The following BCL2L14 variants were observed in gnomAD, a reference collection of about 807,000 sequenced individuals.
The protein encoded by BCL2L14 is apoptosis facilitator Bcl-2-like protein 14.
BCL2L14 carries 27 observed loss-of-function variants against 35.3 expected under a neutral mutation model. The observed-to-expected ratio is 0.76, with a 90% CI of 0.56 to 1.05. BCL2L14 has a LOEUF of 1.05. Ranked by LOEUF, BCL2L14 falls within the 50% of genes least tolerant of loss-of-function variation. The pLI, the probability that BCL2L14 is intolerant of heterozygous loss-of-function variation, is 0.00. For missense variants in BCL2L14, 377 were observed against 382.6 expected, an observed-to-expected ratio of 0.99 and a Z score of 0.12; for synonymous variants, 139 against 145.9, an observed-to-expected ratio of 0.95 and a Z score of 0.34.
At chr12:12,072,594 C>A (rs1352646816) in intron 1 of BCL2L14, 1 of 152,244 alleles carries the variant, frequency 6.6e-6, no homozygotes, top group African/African-American at 2.4e-5. Context: ...CACCCAGGAA[C>A]GGAAATCTCC....
chr12:12,052,868 G>A (rs1948377294), intron 2 of BCL2L14, among the ~76,000 whole-genome samples: 1 of 152,208 alleles, frequency 6.6e-6, no homozygotes, highest in Non-Finnish European at 1.5e-5. Context: ...GTATACGTCT[G>A]AGCATTCCAA....
At chr12:12,058,353 C>T (rs184592688) in intron 2 of BCL2L14, among the ~76,000 whole-genome samples, 79 of 151,716 alleles carry the variant, frequency 5.2e-4, no homozygotes, top group Admixed American at 2.0e-3. Context: ...CGGGTTCAAG[C>T]GATTCTCCTG....
chr12:12,078,497 A>T (rs1948832215), intron 1 of BCL2L14, among the ~76,000 whole-genome samples: 1 of 152,198 alleles, frequency 6.6e-6, no homozygotes, highest in Non-Finnish European at 1.5e-5. Flanking sequence ...CATAATCTGG[A>T]CCCAAGTGCT....
rs1948661002 is a variant in BCL2L14 at position 12,070,988 on chromosome 12, T to G, written c.-157T>G. 6.6e-6 allele frequency: 1 copy of G among 152,166 alleles called. No individual in the cohort carries two copies. Among genetic ancestry groups the G allele is most frequent in the Admixed American group, 6.5e-5 (1 of 15,280 alleles). The allele number at this position is 152,166 out of a possible 1,614,324, so 9.4% of individuals were successfully genotyped here. A position where few individuals can be genotyped will look rare whatever the true frequency, so the allele number is the denominator to read the frequency against. ...CTGAAGAAAGTTTAGAGCCTGGGGC[T>G]CTAAACTACCTGAGTCTTTCCAAAC... On this transcript the variant is annotated 5_prime_UTR_variant, in exon 1 of 6. Coordinates refer to ENST00000308721, the MANE Select transcript of BCL2L14 (RefSeq NM_138723.2).
intron 2 of BCL2L14, among the ~76,000 whole-genome samples, chr12:12,082,611 GGAAA>G (rs1948952296): frequency 6.6e-6 from 1 of 151,918 alleles, no homozygotes; most frequent in Admixed American, 6.6e-5. Flanking sequence ...TTTTCAGTAG[GGAAA>G]GAAAACTTTT....
At position 12,087,255 on chromosome 12, in the gene BCL2L14, AAATTGTTTACT is replaced by A; in HGVS notation, c.477_487del (p.Glu159AspfsTer22). ...ATTTCCATTGCCAACCGAGTAGCTG[AAATTGTTTACT>A]CCTGGCCACCACCACAAGCGACCCA... On this transcript the variant is annotated frameshift_variant, in exon 3 of 6. Coordinates refer to ENST00000308721, the MANE Select transcript of BCL2L14 (RefSeq NM_138723.2). LOFTEE classifies it high-confidence loss of function. 1 of 1,614,166 alleles carries A rather than the reference AAATTGTTTACT, an allele frequency of 6.2e-7. No individual in the cohort carries two copies. Among genetic ancestry groups the A allele is most frequent in the Non-Finnish European group, 8.5e-7 (1 of 1,180,030 alleles).
In BCL2L14 at chr12:12,058,291, C is replaced by T. The variant is rs1948464057; in HGVS notation, c.-272+6444C>T. ...TTTTTTTGAGACGGAGTCTCTGTTG[C>T]CCAGGCTAGAGTGCAGTGGCATGAT... On this transcript the variant is annotated intron_variant, in intron 2 of 3. Coordinates refer to the BCL2L14 transcript ENST00000461264. 2.7e-5 allele frequency among the ~76,000 whole-genome samples: 4 copies of T among 150,816 alleles called. No homozygotes were observed. The South Asian group carries it at 8.4e-4, about 32-fold the overall frequency.
At chr12:12,085,595 C>A (rs931508129) in intron 2 of BCL2L14, among the ~76,000 whole-genome samples, 2 of 152,184 alleles carry the variant, frequency 1.3e-5, no homozygotes, top group Non-Finnish European at 2.9e-5. Flanking sequence ...GTGGACTAAC[C>A]ATGGAAAAGA....
At chr12:12,098,860 G>T (rs567868007) in intron 5 of BCL2L14, 90 bp from the exon 6 acceptor site, 8 of 942,064 alleles carry the variant, frequency 8.5e-6, no homozygotes, top group Non-Finnish European at 1.4e-5. Context: ...CTCGGGTCAC[G>T]CCTGGGATAG....
At chr12:12,088,242 C>A (rs541175260) in intron 3 of BCL2L14, among the ~76,000 whole-genome samples, 1 of 152,142 alleles carries the variant, frequency 6.6e-6, no homozygotes, top group Non-Finnish European at 1.5e-5. Context: ...TTCTGGCCTG[C>A]GACAGAGTGC....
rs898491715 is a variant in BCL2L14 at position 12,099,689 on chromosome 12, G to A, written c.*701G>A. The A allele has an allele frequency of 1.3e-5, 2 of 152,180 alleles. No homozygotes were observed. Among genetic ancestry groups the A allele is most frequent in the Non-Finnish European group, 2.9e-5 (2 of 68,032 alleles). The allele number at this position is 152,180 out of a possible 1,614,324, so 9.4% of individuals were successfully genotyped here. On this transcript the variant is annotated 3_prime_UTR_variant, in exon 6 of 6. Coordinates refer to ENST00000308721, the MANE Select transcript of BCL2L14 (RefSeq NM_138723.2). ...AAAATAAATACATAGAAAGACTACTGTCAAAAGAGTGTCTTCTGATTAGTA... is the reference window on the plus strand; with the variant it reads ...AAAATAAATACATAGAAAGACTACTATCAAAAGAGTGTCTTCTGATTAGTA...
At position 12,087,211 on chromosome 12, in the gene BCL2L14, A is replaced by C; in HGVS notation, c.434-2A>C. ...TCTCAGCACCATTTTGTCTTGTTTC[A>C]GCTGTGGACCCCAAAGTCATTTCCA... On this transcript the variant is annotated splice_acceptor_variant, in intron 2 of 5. Coordinates refer to ENST00000308721, the MANE Select transcript of BCL2L14 (RefSeq NM_138723.2). LOFTEE classifies it high-confidence loss of function. 1.2e-6 allele frequency: 2 copies of C among 1,613,988 alleles called. No homozygotes were observed. The highest frequency in any genetic ancestry group is 1.7e-6 in the Non-Finnish European group (2 of 1,179,900).
At chr12:12,096,433 G>GAAAAAAAAA (rs71435889) in intron 5 of BCL2L14, among the ~76,000 whole-genome samples, 1 of 102,054 alleles carries the variant, frequency 9.8e-6, no homozygotes, top group African/African-American at 3.7e-5. Context: ...CCAAGAATGT[G>GAAAAAAAAA]AAAAAAAAAA....
At chr12:12,061,596 A>G (rs1035754115) in intron 2 of BCL2L14, among the ~76,000 whole-genome samples, 4 of 151,844 alleles carry the variant, frequency 2.6e-5, no homozygotes, top group Non-Finnish European at 4.4e-5. Flanking sequence ...CCTATCCTCA[A>G]TACGTCCCTC....
At chr12:12,057,112 T>C (rs1948444513) in intron 2 of BCL2L14, among the ~76,000 whole-genome samples, 1 of 152,190 alleles carries the variant, frequency 6.6e-6, no homozygotes, top group African/African-American at 2.4e-5. Context: ...CTACCACACA[T>C]TTATAGTCAG....
intron 2 of BCL2L14, among the ~76,000 whole-genome samples, chr12:12,061,630 A>G (rs1948527430): frequency 6.6e-6 from 1 of 151,914 alleles, no homozygotes; most frequent in South Asian, 2.1e-4. Context: ...TCTGTTCTGG[A>G]TCTCAAACAT....
intron 2 of BCL2L14, among the ~76,000 whole-genome samples, chr12:12,061,185 A>G (rs1325428553): frequency 6.7e-6 from 1 of 149,532 alleles, no homozygotes; most frequent in African/African-American, 2.5e-5. Flanking sequence ...TTCCCTGACT[A>G]TTCCTGGGCT....
In BCL2L14 at chr12:12,079,435, T is replaced by G; in HGVS notation, c.130T>G (p.Ser44Ala). Residue 44 changes from serine (S) to alanine (A), a missense_variant, in exon 2 of 6, where the codon TCA (serine) becomes GCA (alanine). Transcript: ENST00000308721. ...CTTCAAGAGCACCCCTGCTCTCTTCTCACCAAAGCTGCTGAGAACAAGAAG... is the reference window on the plus strand; with the variant it reads ...CTTCAAGAGCACCCCTGCTCTCTTCGCACCAAAGCTGCTGAGAACAAGAAG... Reference protein sequence around the residue: ...HVFKSTPALFSPKLLRTRSLS... With the variant: ...HVFKSTPALFAPKLLRTRSLS... The G allele has an allele frequency of 6.2e-7, 1 of 1,614,196 alleles. No homozygotes were observed.
intron 2 of BCL2L14, among the ~76,000 whole-genome samples, chr12:12,080,020 C>T (rs190271359): frequency 1.8e-4 from 28 of 152,118 alleles, no homozygotes; most frequent in Non-Finnish European, 3.1e-4. Context: ...CTGGCTAACA[C>T]GGTAAAACCC....
Sources: gnomAD v4.1 joint callset for allele counts (sites outside exome capture counted in the v4.1 genomes callset) on GRCh38, gnomAD v4.1.1 for gene constraint, MANE v1.5 for transcripts, NCBI Gene and HGNC (gene_info 2026-07-23, HGNC 2026-07-21) for gene names.